Variants in MPHOSPH9 observed in about 807,000 individuals in gnomAD.
MPHOSPH9 encodes M-phase phosphoprotein 9.
MPHOSPH9 carries 88 observed loss-of-function variants against 145.5 expected under a neutral mutation model. That is an observed-to-expected ratio of 0.60 (90% CI 0.51 to 0.72). MPHOSPH9 has a LOEUF of 0.72. Among genes scored for constraint, MPHOSPH9 ranks in the 30% least tolerant of loss-of-function variants. The pLI is 0.00. For synonymous variants in MPHOSPH9, 435 were observed against 486.2 expected (o/e 0.89, Z 1.39); for missense variants, 1,238 against 1,386.6 (o/e 0.89, Z 1.70).
chr12:123,181,275 A>G (rs929780142), intron 13 of MPHOSPH9, 65 bp from the exon 14 acceptor site: 5 of 1,428,546 alleles, frequency 3.5e-6, no homozygotes, highest in Non-Finnish European at 4.9e-6. Context: ...ACTGAGGTAC[A>G]GTCTACAAAA....
chr12:123,212,984 T>A (rs10772996), intron 7 of MPHOSPH9, among the ~76,000 whole-genome samples: 12 of 149,862 alleles, frequency 8.0e-5, no homozygotes, highest in Non-Finnish European at 1.3e-4. Context: ...CTCAGCCTCT[T>A]GAGCAGCTGG....
In MPHOSPH9 at chr12:123,202,260, T is replaced by C. The variant is rs746830615; in HGVS notation, c.1841A>G (p.Tyr614Cys). 1.9e-6 allele frequency: 3 copies of C among 1,613,458 alleles called. No individual in the cohort carries two copies. The highest frequency in any genetic ancestry group is 2.2e-5 in the East Asian group (1 of 44,834). ...ARHIADLRAY[Y>C]ESEINSLKQK... The stretch of plus-strand genomic sequence containing the variant: ...TTTCAAACTATTTATTTCTGATTCA[T>C]AATAAGCTCGAAGATCTGCTATGTG... Residue 614 changes from tyrosine to cysteine, a missense_variant, in exon 11 of 24, where the codon TAT becomes TGT. Tyr to Cys is a radical substitution (Grantham distance 194). Coordinates refer to ENST00000606320, the MANE Select transcript of MPHOSPH9 (RefSeq NM_022782.4).
intron 1 of MPHOSPH9, among the ~76,000 whole-genome samples, chr12:123,239,188 G>C (rs10744151): frequency 0.59 from 89,795 of 152,048 alleles, 30,779 homozygotes; most frequent in Non-Finnish European, 0.75. Flanking sequence ...AGGATGGCTA[G>C]AGCCTGGAAG....
At chr12:123,174,117 G>C (rs562700926) in intron 16 of MPHOSPH9, among the ~76,000 whole-genome samples, 22 of 152,232 alleles carry the variant, frequency 1.4e-4, no homozygotes, top group African/African-American at 4.8e-4. Flanking sequence ...ACACATTCTG[G>C]GTCACAAAAG....
upstream of MPHOSPH9, among the ~76,000 whole-genome samples, chr12:123,237,922 G>T (rs1163322458): frequency 6.7e-6 from 1 of 149,678 alleles, no homozygotes; most frequent in East Asian, 2.0e-4. Flanking sequence ...TTGAGACGGA[G>T]TCTCACTCTG....
rs965393538 is a variant in MPHOSPH9 at position 123,167,764 on chromosome 12, G to T, written c.2457-975C>A. 6.6e-5 allele frequency among the ~76,000 whole-genome samples: 10 copies of T among 152,188 alleles called. No homozygotes were observed. In the East Asian group the frequency reaches 1.9e-3, roughly 29 times the overall value. ...TGTTGGCAGGACTGTACTGAACAGCGCAATTCTAGACATTGCTCCCCCAGC... is the reference window on the plus strand; with the variant it reads ...TGTTGGCAGGACTGTACTGAACAGCTCAATTCTAGACATTGCTCCCCCAGC... On this transcript the variant is annotated intron_variant, in intron 16 of 23. Coordinates refer to ENST00000606320, the MANE Select transcript of MPHOSPH9 (RefSeq NM_022782.4).
chr12:123,239,686 G>A (rs1167803758), intron 1 of MPHOSPH9, among the ~76,000 whole-genome samples: 1 of 152,182 alleles, frequency 6.6e-6, no homozygotes, highest in East Asian at 1.9e-4. Flanking sequence ...ACAGGCGTGA[G>A]CTACCGCGCC....
Position 123,194,623 on chromosome 12 carries a change from A to ATT in MPHOSPH9, c.2026-23_2026-22insAA, listed in dbSNP as rs2045862294. 1.3e-5 allele frequency: 16 copies of ATT among 1,254,564 alleles called. No individual in the cohort carries two copies. The East Asian group carries it at 1.9e-4, about 15-fold the overall frequency. 77.7% of individuals were successfully genotyped at this position (1,254,564 alleles called of 1,614,324 possible). On this transcript the variant is annotated intron_variant, in intron 12 of 23. Coordinates refer to ENST00000606320, the MANE Select transcript of MPHOSPH9 (RefSeq NM_022782.4). ...CATTCTATAAAACAAAGACAAACAT[A>ATT]ATTTTTTTTTTTTTTTGAGATGGAG...
intron 12 of MPHOSPH9, among the ~76,000 whole-genome samples, chr12:123,197,891 G>A (rs2046040299): frequency 6.6e-6 from 1 of 151,686 alleles, no homozygotes. Context: ...AGACCATCCT[G>A]GCTAACACGG....
intron 6 of MPHOSPH9, among the ~76,000 whole-genome samples, chr12:123,215,387 G>A (rs936671362): frequency 6.6e-6 from 1 of 151,856 alleles, no homozygotes; most frequent in East Asian, 1.9e-4. Context: ...GAAAAATGGG[G>A]GCAGGTATTA....
At chr12:123,211,621 G>A (rs1225165803) in intron 7 of MPHOSPH9, among the ~76,000 whole-genome samples, 1 of 150,930 alleles carries the variant, frequency 6.6e-6, no homozygotes, top group Non-Finnish European at 1.5e-5. Context: ...CTCCCAAAGT[G>A]CTAGGATTAC....
chr12:123,215,488 A>G (rs567961588), intron 6 of MPHOSPH9, among the ~76,000 whole-genome samples: 1 of 152,316 alleles, frequency 6.6e-6, no homozygotes, highest in South Asian at 2.1e-4. Flanking sequence ...CATTTAGTAT[A>G]AAAATTAATG....
chr12:123,204,617 G>C (rs1329867425), intron 8 of MPHOSPH9, among the ~76,000 whole-genome samples: 1 of 152,204 alleles, frequency 6.6e-6, no homozygotes, highest in Non-Finnish European at 1.5e-5. Flanking sequence ...GCTTACACCT[G>C]TAATCCCAGC....
In MPHOSPH9 at chr12:123,221,741, T is replaced by A; in HGVS notation, c.503A>T (p.His168Leu). 2 of 1,614,172 alleles carry A rather than the reference T, an allele frequency of 1.2e-6. No individual in the cohort carries two copies. The highest frequency in any genetic ancestry group is 1.7e-6 in the Non-Finnish European group (2 of 1,180,038). The change falls in exon 5 of 24, where the codon CAT becomes CTT. Residue 168 changes from histidine to leucine, a missense_variant. Physicochemically the swap from His to Leu is moderately conservative, Grantham distance 99. This residue lies in a region of MPHOSPH9 where 837 missense variants were observed against 897.5 expected (regional missense o/e 0.93). Coordinates refer to ENST00000606320, the MANE Select transcript of MPHOSPH9 (RefSeq NM_022782.4). ...LSSERNESVI[H>L]YPESTEPEIQ... ...TTCAGGTTCTGTGGATTCAGGATAA[T>A]GGATAACAGATTCATTTCTCTCACT...
rs373218740 is a variant in MPHOSPH9, at chr12:123,208,533, C to CAAA, written c.1194+1520_1194+1522dup. ...ACCTGGCGACAGAGTGAAACTGTCT[C>CAAA]AAAAAAAAAAAAAAAAAGAATACAG... On this transcript the variant is annotated intron_variant, in intron 8 of 23. Transcript: ENST00000606320. Among the ~76,000 whole-genome samples the CAAA allele has an allele frequency of 5.8e-3, 646 of 110,920 alleles. 8 individuals are homozygous for CAAA. Among genetic ancestry groups the CAAA allele is most frequent in the African/African-American group, 0.015 (369 of 23,880 alleles). The allele number at this position is 110,920 out of a possible 152,430, so 72.8% of individuals were successfully genotyped here.
intron 12 of MPHOSPH9, among the ~76,000 whole-genome samples, chr12:123,196,629 T>C (rs2045959660): frequency 6.6e-6 from 1 of 152,106 alleles, no homozygotes; most frequent in South Asian, 2.1e-4. Context: ...GGGAAAAAAG[T>C]AATTTTAGCA....
intron 3 of MPHOSPH9, among the ~76,000 whole-genome samples, chr12:123,226,882 C>T (rs117954491): frequency 0.019 from 2,918 of 152,246 alleles, 41 homozygotes; most frequent in South Asian, 0.072. Context: ...ACCAAACCTC[C>T]CACCTTGGCC....
intron 1 of MPHOSPH9, among the ~76,000 whole-genome samples, chr12:123,238,952 T>C (rs997270269): frequency 3.3e-5 from 5 of 152,096 alleles, no homozygotes; most frequent in African/African-American, 1.2e-4. Flanking sequence ...GCCTTCATAT[T>C]TAGGGGGAAA....
intron 1 of MPHOSPH9, chr12:123,240,480 C>CT (rs1727415769): frequency 1.3e-5 from 2 of 152,060 alleles, no homozygotes; most frequent in Admixed American, 1.3e-4. Flanking sequence ...CTGGTGAGTA[C>CT]TTTAACAATC....
Sources: gnomAD v4.1 joint callset for allele counts (sites outside exome capture counted in the v4.1 genomes callset) on GRCh38, gnomAD v4.1.1 for gene constraint, gnomAD v4.1.1 regional missense constraint, MANE v1.5 for transcripts, NCBI Gene and HGNC (gene_info 2026-07-23, HGNC 2026-07-21) for gene names.